The following ANKRD17 variants were observed in gnomAD, a reference collection of about 807,000 sequenced individuals.
The protein encoded by ANKRD17 is ankyrin repeat domain 17.
Under a neutral mutation model 229.7 loss-of-function variants are expected in ANKRD17, and 19 were observed. The observed-to-expected ratio is 0.08, with a 90% CI of 0.06 to 0.12. The LOEUF (loss-of-function observed/expected upper bound fraction) is 0.12, where lower values mean the gene tolerates loss of function less well. Ranked by LOEUF, ANKRD17 falls within the 10% of genes least tolerant of loss-of-function variation. The pLI, the probability that ANKRD17 is intolerant of heterozygous loss-of-function variation, is 1.00. For missense variants in ANKRD17, 2,176 were observed against 3,176.8 expected (o/e 0.68, Z 7.57); for synonymous variants, 1,112 against 1,146.1 (o/e 0.97, Z 0.60).
intron 8 of ANKRD17, 84 bp downstream of exon 8, chr4:73,148,729 G>C: frequency 8.0e-7 from 1 of 1,242,450 alleles, no homozygotes; most frequent in Admixed American, 1.9e-5. Flanking sequence ...TACTAGAAAG[G>C]TGAAATACTA....
chr4:73,115,685 G>A (rs1376013385), intron 23 of ANKRD17, 136 bp downstream of exon 23: 22 of 579,118 alleles, frequency 3.8e-5, no homozygotes, highest in Non-Finnish European at 5.1e-5. Context: ...CTCTTAAATC[G>A]CATACTTCAT....
At chr4:73,130,570 T>A (rs1023666487) in intron 16 of ANKRD17, among the ~76,000 whole-genome samples, 111 of 151,912 alleles carry the variant, frequency 7.3e-4, no homozygotes, top group African/African-American at 2.4e-3. Context: ...TATATGTTAA[T>A]TATTAAAAAG....
intron 16 of ANKRD17, among the ~76,000 whole-genome samples, chr4:73,133,235 G>A (rs1459697550): frequency 6.6e-6 from 1 of 151,630 alleles, no homozygotes; most frequent in Non-Finnish European, 1.5e-5. Flanking sequence ...GTGACAGAGC[G>A]AGACTCCGTC....
intron 1 of ANKRD17, 63 bp from the exon 2 acceptor site, chr4:73,177,596 A>T: frequency 7.6e-7 from 1 of 1,320,648 alleles, no homozygotes; most frequent in Non-Finnish European, 1.1e-6. Flanking sequence ...AAAAGAGGGG[A>T]GAGAAATAAA....
At chr4:73,121,869 G>T in intron 18 of ANKRD17, 110 bp from the exon 19 acceptor site, 1 of 1,134,702 alleles carries the variant, frequency 8.8e-7, no homozygotes, top group Non-Finnish European at 1.2e-6. Flanking sequence ...GAAGGGGAAA[G>T]TTCTTCCTTC....
chr4:73,159,943 A>G (rs1479439481), intron 3 of ANKRD17, among the ~76,000 whole-genome samples: 1 of 151,486 alleles, frequency 6.6e-6, no homozygotes. Context: ...TGTTAATACT[A>G]TCTAACCTCT....
intron 29 of ANKRD17, among the ~76,000 whole-genome samples, chr4:73,086,802 T>C (rs1389666835): frequency 6.8e-6 from 1 of 146,292 alleles, no homozygotes; most frequent in African/African-American, 2.5e-5. Flanking sequence ...CATGTCAATA[T>C]TGGATTTTAT....
At chr4:73,147,465 T>C (rs754692703) in intron 8 of ANKRD17, 33 bp from the exon 9 acceptor site, 12 of 1,424,606 alleles carry the variant, frequency 8.4e-6, no homozygotes, top group Non-Finnish European at 1.0e-5. Flanking sequence ...TTAAAGAAAG[T>C]CATTAACTTA....
intron 1 of ANKRD17, among the ~76,000 whole-genome samples, chr4:73,242,369 A>G (rs1197929697): frequency 6.6e-6 from 1 of 152,208 alleles, no homozygotes; most frequent in Non-Finnish European, 1.5e-5. Context: ...ACCATACATG[A>G]TAGCAGGAAG....
intron 18 of ANKRD17, among the ~76,000 whole-genome samples, chr4:73,122,707 G>A (rs1726908875): frequency 1.3e-5 from 2 of 151,986 alleles, no homozygotes; most frequent in Admixed American, 1.3e-4. Context: ...GGTTTATCTT[G>A]CATCTCAGCA....
Position 73,122,665 on chromosome 4 carries a change from T to C in ANKRD17, c.3493-906A>G, listed in dbSNP as rs1324530024. On this transcript the variant is annotated intron_variant, in intron 18 of 33. Coordinates refer to ENST00000358602, the MANE Select transcript of ANKRD17 (RefSeq NM_032217.5). ...CTATTAATAATATATCCTAAAATAC[T>C]AACTGGCAAATAATAAATGTTAATG... Among the ~76,000 whole-genome samples, 5 of 152,234 alleles carry C rather than the reference T, an allele frequency of 3.3e-5. No homozygotes were observed. In the East Asian group the frequency reaches 9.6e-4, roughly 29 times the overall value.
At chr4:73,113,414 T>G in intron 24 of ANKRD17, 1 of 1,283,412 alleles carries the variant, frequency 7.8e-7, no homozygotes, top group Non-Finnish European at 1.0e-6. Flanking sequence ...GGTAGTGCAT[T>G]TGGTACTTGT....
At chr4:73,102,337 G>T in intron 25 of ANKRD17, 39 bp downstream of exon 25, 1 of 1,545,860 alleles carries the variant, frequency 6.5e-7, no homozygotes, top group Non-Finnish European at 8.7e-7. Context: ...ATTTTAACTA[G>T]AATATAAAAC....
intron 28 of ANKRD17, among the ~76,000 whole-genome samples, chr4:73,093,145 ATG>A (rs1228914242): frequency 6.6e-6 from 1 of 152,170 alleles, no homozygotes; most frequent in East Asian, 1.9e-4. Context: ...CTCCTATATA[ATG>A]CAAAGGGGCA....
chr4:73,216,131 CA>C (rs1560740552), intron 1 of ANKRD17, among the ~76,000 whole-genome samples: 1 of 152,018 alleles, frequency 6.6e-6, no homozygotes, highest in Admixed American at 6.5e-5. Flanking sequence ...AGTTATCTTC[CA>C]TTAAGTCAGA....
rs1401868575 is a variant in ANKRD17, at chr4:73,170,534, TCGGGGGG to T, written c.547+6839_547+6845del. ...GGCAACAGTGACAGCACAGTTGGGG[TCGGGGGG>T]CGGGGGGCTGTTAAGTAGAAAGTGG... On this transcript the variant is annotated intron_variant, in intron 2 of 33. Coordinates refer to ENST00000358602, the MANE Select transcript of ANKRD17 (RefSeq NM_032217.5). 2.8e-5 allele frequency among the ~76,000 whole-genome samples: 4 copies of T among 143,334 alleles called. No individual in the cohort carries two copies. The South Asian group carries it at 9.3e-4, about 33-fold the overall frequency. 94.0% of individuals were successfully genotyped at this position (143,334 alleles called of 152,430 possible). A position where few individuals can be genotyped will look rare whatever the true frequency, so the allele number is the denominator to read the frequency against.
intron 1 of ANKRD17, among the ~76,000 whole-genome samples, chr4:73,242,538 T>G (rs1744135006): frequency 1.3e-5 from 2 of 152,146 alleles, no homozygotes; most frequent in Admixed American, 1.3e-4. Flanking sequence ...CTCTCCAAAA[T>G]TAACACAAAT....
chr4:73,124,082 T>C (rs1450593509), intron 18 of ANKRD17, among the ~76,000 whole-genome samples: 1 of 151,140 alleles, frequency 6.6e-6, no homozygotes, highest in Non-Finnish European at 1.5e-5. Context: ...CTAAGAACTG[T>C]GGGGAAACAA....
intron 6 of ANKRD17, among the ~76,000 whole-genome samples, chr4:73,152,555 T>C (rs1731136829): frequency 6.6e-6 from 1 of 152,104 alleles, no homozygotes; most frequent in South Asian, 2.1e-4. Context: ...CAGTTTGCTA[T>C]CCAGCTTCTA....
Sources: allele counts gnomAD v4.1 joint callset (sites outside exome capture counted in the v4.1 genomes callset), GRCh38; gene constraint gnomAD v4.1.1; transcripts MANE v1.5; gene names NCBI Gene and HGNC (gene_info 2026-07-23, HGNC 2026-07-21).